ERBB4: variants seen among roughly 807,000 people sequenced by gnomAD.
ERBB4 encodes the protein receptor tyrosine-protein kinase erbB-4.
In ERBB4, 42 loss-of-function variants were observed where a neutral mutation model predicts 158.0. The ratio of observed to expected loss-of-function variants is 0.27; its 90% CI spans 0.21 to 0.34. The LOEUF (loss-of-function observed/expected upper bound fraction) is 0.34, where lower values mean the gene tolerates loss of function less well. ERBB4 is among the 10% of genes least tolerant of loss of function. ERBB4 has a pLI of 1.00. For synonymous variants in ERBB4, 583 were observed against 558.7 expected (o/e 1.04, Z -0.61); for missense variants, 1,333 against 1,624.1 (o/e 0.82, Z 3.08).
chr2:212,329,829 G>A (rs2088046547), intron 1 of ERBB4, among the ~76,000 whole-genome samples: 1 of 152,026 alleles, frequency 6.6e-6, no homozygotes, highest in Non-Finnish European at 1.5e-5. Flanking sequence ...AAAGGTTCCT[G>A]AAGTGCCTCC....
intron 1 of ERBB4, among the ~76,000 whole-genome samples, chr2:212,441,629 T>A (rs1366179022): frequency 2.6e-5 from 4 of 152,168 alleles, no homozygotes; most frequent in Non-Finnish European, 4.4e-5. Flanking sequence ...TGGATCAGGC[T>A]GAATTTATTT....
At chr2:211,610,688 T>C (rs2069161313) in intron 19 of ERBB4, among the ~76,000 whole-genome samples, 1 of 152,172 alleles carries the variant, frequency 6.6e-6, no homozygotes, top group Non-Finnish European at 1.5e-5. Context: ...TCTAGTCATG[T>C]ACAAAATTCA....
intron 2 of ERBB4, among the ~76,000 whole-genome samples, chr2:212,117,183 CT>C (rs1225851228): frequency 2.0e-5 from 3 of 152,110 alleles, no homozygotes; most frequent in Admixed American, 6.6e-5. Flanking sequence ...TCTCTGTGTC[CT>C]TTTTAGCATT....
intron 12 of ERBB4, among the ~76,000 whole-genome samples, chr2:211,701,231 T>C (rs2073225373): frequency 1.3e-5 from 2 of 152,202 alleles, no homozygotes; most frequent in Non-Finnish European, 2.9e-5. Context: ...TGAATAGTAG[T>C]TTTTACATGT....
chr2:212,537,307 C>A (rs1470900548), intron 1 of ERBB4, among the ~76,000 whole-genome samples: 1 of 152,064 alleles, frequency 6.6e-6, no homozygotes, highest in East Asian at 1.9e-4. Flanking sequence ...TTTCGGAAAT[C>A]TCTCTGGCTC....
chr2:211,939,377 G>A (rs114685489), intron 3 of ERBB4, among the ~76,000 whole-genome samples: 2,433 of 151,612 alleles, frequency 0.016, 75 homozygotes, highest in African/African-American at 0.056. Context: ...TTACAGGGCT[G>A]TGTCTGAAAC....
At position 211,861,124 on chromosome 2, in the gene ERBB4, T is replaced by TTATATATATATATTTTATATATATATA. The variant is rs1229268256; in HGVS notation, c.422-72966_422-72965insTATATATATATAAAATATATATATATA. ...CATTATATATATTTATATATATATT[T>TTATATATATATATTTTATATATATATA]TATATATATATATATATATATATAT... On this transcript the variant is annotated intron_variant, in intron 3 of 27. Transcript: ENST00000342788. 1.3e-3 allele frequency among the ~76,000 whole-genome samples: 26 copies of TTATATATATATATTTTATATATATATA among 20,252 alleles called. 2 individuals carry two copies. Among genetic ancestry groups the TTATATATATATATTTTATATATATATA allele is most frequent in the South Asian group, 1.8e-3 (1 of 554 alleles). The allele number at this position is 20,252 out of a possible 152,430, so 13.3% of individuals were successfully genotyped here.
intron 1 of ERBB4, among the ~76,000 whole-genome samples, chr2:212,318,223 G>A (rs2087384716): frequency 1.3e-5 from 2 of 151,512 alleles, no homozygotes; most frequent in African/African-American, 4.8e-5. Flanking sequence ...AAGCCTTTGT[G>A]CTTAAGGGTT....
intron 7 of ERBB4, among the ~76,000 whole-genome samples, chr2:211,716,400 G>A (rs1168724939): frequency 7.0e-6 from 1 of 142,906 alleles, no homozygotes; most frequent in Non-Finnish European, 1.5e-5. Context: ...AAAAAGGCCG[G>A]GCGCAGTGGC....
intron 2 of ERBB4, among the ~76,000 whole-genome samples, chr2:212,071,505 G>A (rs1369866411): frequency 1.3e-5 from 2 of 151,952 alleles, no homozygotes; most frequent in Non-Finnish European, 2.9e-5. Context: ...TCAGGTGGTA[G>A]CAAGTTCATG....
chr2:212,274,002 A>G (rs2085436294), intron 1 of ERBB4, among the ~76,000 whole-genome samples: 1 of 151,890 alleles, frequency 6.6e-6, no homozygotes, highest in African/African-American at 2.4e-5. Context: ...AGCCTTATTA[A>G]TAACATCAAC....
At chr2:211,564,267 A>G (rs2067487376) in intron 19 of ERBB4, among the ~76,000 whole-genome samples, 1 of 152,150 alleles carries the variant, frequency 6.6e-6, no homozygotes. Flanking sequence ...GAGTAGTAGT[A>G]TTACAAACCT....
chr2:211,463,286 T>G (rs2125506766), intron 20 of ERBB4, among the ~76,000 whole-genome samples: 1 of 152,232 alleles, frequency 6.6e-6, no homozygotes, highest in African/African-American at 2.4e-5. Flanking sequence ...TCCAGCAGGG[T>G]TTGTTCATGT....
intron 20 of ERBB4, among the ~76,000 whole-genome samples, chr2:211,493,788 T>A (rs569547470): frequency 2.0e-5 from 3 of 152,218 alleles, no homozygotes; most frequent in Non-Finnish European, 4.4e-5. Flanking sequence ...AAATCAAAAG[T>A]ATTTCTGGCA....
intron 2 of ERBB4, among the ~76,000 whole-genome samples, chr2:212,089,837 TCC>T (rs2078721970): frequency 6.6e-6 from 1 of 152,206 alleles, no homozygotes; most frequent in South Asian, 2.1e-4. Context: ...GTTTGTTTCA[TCC>T]AAGTTATATA....
intron 16 of ERBB4, among the ~76,000 whole-genome samples, chr2:211,635,275 A>G (rs1170609000): frequency 6.6e-5 from 10 of 152,200 alleles, no homozygotes; most frequent in Non-Finnish European, 1.5e-5. Flanking sequence ...CTACTGAAGA[A>G]ACTAATCTCA....
Position 211,722,113 on chromosome 2 carries a change from G to A in ERBB4, c.883+280C>T, listed in dbSNP as rs140659565. Among the ~76,000 whole-genome samples the A allele has an allele frequency of 9.8e-4, 149 of 152,198 alleles. 2 individuals are homozygous for A. The East Asian group carries it at 0.026, about 27-fold the overall frequency. ...CCTGACCTCAGGTGCCACCCACCTC[G>A]GCCTCCCAAAGTGCTGGCATTACAG... On this transcript the variant is annotated intron_variant, in intron 7 of 27. Transcript: ENST00000342788.
rs2062584221 is a variant in ERBB4, at chr2:211,382,176, C to G, written c.*1439G>C. 4.3e-6 allele frequency: 1 copy of G among 230,812 alleles called. No individual in the cohort carries two copies. Among genetic ancestry groups the G allele is most frequent in the African/African-American group, 2.2e-5 (1 of 45,214 alleles). 14.3% of individuals were successfully genotyped at this position (230,812 alleles called of 1,614,324 possible). On this transcript the variant is annotated 3_prime_UTR_variant, in exon 28 of 28. Transcript: ENST00000342788. ...TGTTTGTGTTTTTCTTTTTATTATA[C>G]CAATTTATGTGCAAAGAGTTACCTT...
intron 1 of ERBB4, among the ~76,000 whole-genome samples, chr2:212,427,140 G>A (rs2091931799): frequency 6.6e-6 from 1 of 152,142 alleles, no homozygotes; most frequent in Non-Finnish European, 1.5e-5. Context: ...GGAAATGAGT[G>A]TAATTAGCAG....
Sources: gnomAD v4.1 joint callset for allele counts (sites outside exome capture counted in the v4.1 genomes callset) on GRCh38, gnomAD v4.1.1 for gene constraint, MANE v1.5 for transcripts, NCBI Gene and HGNC (gene_info 2026-07-23, HGNC 2026-07-21) for gene names.